SMG6: variants seen among roughly 807,000 people sequenced by gnomAD.
The protein encoded by SMG6 is telomerase-binding protein EST1A.
Under a neutral mutation model 142.2 loss-of-function variants are expected in SMG6, and 66 were observed. The ratio of observed to expected loss-of-function variants is 0.46; its 90% CI spans 0.38 to 0.57. The LOEUF (loss-of-function observed/expected upper bound fraction) is 0.57, where lower values mean the gene tolerates loss of function less well. Among genes scored for constraint, SMG6 ranks in the 20% least tolerant of loss-of-function variants. SMG6 has a pLI of 0.00. For missense variants in SMG6, 1,793 were observed against 1,832.0 expected (o/e 0.98, Z 0.39); for synonymous variants, 779 against 702.4 (o/e 1.11, Z -1.72).
intron 10 of SMG6, chr17:2,233,638 A>T (rs896399685): frequency 6.6e-6 from 1 of 151,844 alleles, no homozygotes; most frequent in Non-Finnish European, 1.5e-5. Context: ...TTCAATCTTT[A>T]CCCTCTCCCC....
Position 2,299,843 on chromosome 17 carries a change from AGGAATC to A in SMG6, c.904_909del (p.Asp302_Ser303del). On this transcript the variant is annotated inframe_deletion, in exon 2 of 19. Transcript: ENST00000263073. The surrounding 1 kb of genome is among the most constrained non-coding windows in gnomAD (Gnocchi z 4.3). ...GGCTCATCAATTCTGTCCTCGTCTA[AGGAATC>A]GGTTGAGGACACAGACACTTGCTTC... 1 of 1,614,122 alleles carries A rather than the reference AGGAATC, an allele frequency of 6.2e-7. No homozygotes were observed. The highest frequency in any genetic ancestry group is 8.5e-7 in the Non-Finnish European group (1 of 1,179,996).
chr17:2,184,657 CAAAAA>C (rs150364302), intron 12 of SMG6, among the ~76,000 whole-genome samples: 1 of 52,792 alleles, frequency 1.9e-5, no homozygotes, highest in Non-Finnish European at 3.5e-5. Context: ...AACTCCGTCT[CAAAAA>C]AAAAAAAAAA....
chr17:2,184,778 C>T (rs934561692), intron 12 of SMG6, among the ~76,000 whole-genome samples: 1 of 149,734 alleles, frequency 6.7e-6, no homozygotes, highest in Non-Finnish European at 1.5e-5. Flanking sequence ...CAGCCTGGCC[C>T]ACGTGGTAAA....
At chr17:2,065,835 G>A (rs2067927387) in intron 16 of SMG6, among the ~76,000 whole-genome samples, 156 bp from the exon 17 acceptor site, 1 of 152,232 alleles carries the variant, frequency 6.6e-6, no homozygotes, top group Admixed American at 6.5e-5. Flanking sequence ...AGGGGAGCTT[G>A]TGGGGGCAAG....
intron 8 of SMG6, among the ~76,000 whole-genome samples, chr17:2,268,079 A>T (rs937554056): frequency 7.9e-5 from 12 of 151,890 alleles, no homozygotes; most frequent in African/African-American, 2.7e-4. Flanking sequence ...AAATATTTTT[A>T]TTATTATTAG....
intron 8 of SMG6, among the ~76,000 whole-genome samples, chr17:2,253,864 C>A (rs1294891825): frequency 6.6e-6 from 1 of 152,194 alleles, no homozygotes; most frequent in Non-Finnish European, 1.5e-5. Context: ...ATAAATGGGA[C>A]TCTCCAGGTT....
chr17:2,172,886 C>G (rs1466999888), intron 12 of SMG6, 27 bp from the exon 13 acceptor site: 1 of 1,608,358 alleles, frequency 6.2e-7, no homozygotes, highest in South Asian at 1.1e-5. Flanking sequence ...AAGAAAAGAG[C>G]AGCTCTAAAG....
At chr17:2,067,760 C>T (rs565722901) in intron 16 of SMG6, among the ~76,000 whole-genome samples, 38 of 152,176 alleles carry the variant, frequency 2.5e-4, no homozygotes, top group Non-Finnish European at 4.6e-4. Flanking sequence ...CACAACCCCC[C>T]AGGGTTCTGC....
At chr17:2,184,728 G>A (rs1279841966) in intron 12 of SMG6, among the ~76,000 whole-genome samples, 1 of 150,550 alleles carries the variant, frequency 6.6e-6, no homozygotes, top group Non-Finnish European at 1.5e-5. Flanking sequence ...ACTTTGGGAG[G>A]CTGAGGCGGG....
intron 12 of SMG6, among the ~76,000 whole-genome samples, chr17:2,182,460 A>C (rs1369405087): frequency 6.6e-6 from 1 of 152,082 alleles, no homozygotes; most frequent in Admixed American, 6.6e-5. Context: ...AGAGGTGGGG[A>C]GGGCATGGGG....
intron 13 of SMG6, among the ~76,000 whole-genome samples, chr17:2,112,065 G>A (rs1430076466): frequency 2.0e-5 from 3 of 152,066 alleles, no homozygotes; most frequent in Non-Finnish European, 4.4e-5. Flanking sequence ...AAGTGCCAAG[G>A]TCTTTAGTTG....
At chr17:2,141,453 T>G (rs531471850) in intron 13 of SMG6, among the ~76,000 whole-genome samples, 1 of 152,320 alleles carries the variant, frequency 6.6e-6, no homozygotes, top group African/African-American at 2.4e-5. Context: ...GGAACTTTTT[T>G]TTCTTAGAGA....
In SMG6 at chr17:2,299,597, C is replaced by T. The variant is rs748825555; in HGVS notation, c.1156G>A (p.Gly386Ser). The T allele has an allele frequency of 9.3e-6, 15 of 1,614,174 alleles. No individual in the cohort carries two copies. Among genetic ancestry groups the T allele is most frequent in the Non-Finnish European group, 1.2e-5 (14 of 1,180,018 alleles). ...GACTCCTGCTTCTCAGAGCCTTTGCCCCCACTGCTCAAGCCTTTGTCAGGC... is the reference window on the plus strand; with the variant it reads ...GACTCCTGCTTCTCAGAGCCTTTGCTCCCACTGCTCAAGCCTTTGTCAGGC... ...GKPDKGLSSG[G>S]KGSEKQESKN... Residue 386 changes from glycine (G) to serine (S), a missense_variant, in exon 2 of 19, where the codon GGC (glycine) becomes AGC (serine). By Grantham distance (56) the Gly-to-Ser change is moderately conservative. Transcript: ENST00000263073. This position sits in a 1 kb window ranked among gnomAD's most constrained non-coding sequence, Gnocchi z 4.3.
chr17:2,108,642 A>ATAC (rs1398965471), intron 13 of SMG6, among the ~76,000 whole-genome samples: 4 of 151,860 alleles, frequency 2.6e-5, no homozygotes. Context: ...GATAATAATA[A>ATAC]TAATAAAAAA....
intron 13 of SMG6, chr17:2,087,344 C>T: frequency 8.3e-7 from 1 of 1,205,106 alleles, no homozygotes; most frequent in Non-Finnish European, 1.1e-6. Flanking sequence ...GGCTGGCTGC[C>T]CAGGAAAGTG....
chr17:2,229,084 C>T (rs1298411580), intron 10 of SMG6, among the ~76,000 whole-genome samples: 1 of 152,114 alleles, frequency 6.6e-6, no homozygotes, highest in Non-Finnish European at 1.5e-5. Flanking sequence ...TCCGCCCACC[C>T]CCTTTTTAAG....
chr17:2,103,008 G>C (rs920090654), intron 13 of SMG6, among the ~76,000 whole-genome samples: 3 of 152,182 alleles, frequency 2.0e-5, no homozygotes, highest in Admixed American at 2.0e-4. Context: ...TTGTGTGTAT[G>C]TCCCACCTTT....
intron 15 of SMG6, among the ~76,000 whole-genome samples, chr17:2,080,451 G>C (rs1415283664): frequency 6.6e-6 from 1 of 152,122 alleles, no homozygotes; most frequent in African/African-American, 2.4e-5. Context: ...ACAAAAAAAA[G>C]ATGGCTCTCG....
At chr17:2,229,621 G>GT (rs905542852) in intron 10 of SMG6, among the ~76,000 whole-genome samples, 10 of 152,166 alleles carry the variant, frequency 6.6e-5, no homozygotes, top group Admixed American at 1.3e-4. Context: ...CACATATGCA[G>GT]TAACTATAAA....
Sources: gnomAD v4.1 joint callset for allele counts (sites outside exome capture counted in the v4.1 genomes callset) on GRCh38, gnomAD v4.1.1 for gene constraint, Gnocchi (gnomAD v3.1) non-coding constraint, MANE v1.5 for transcripts, NCBI Gene and HGNC (gene_info 2026-07-23, HGNC 2026-07-21) for gene names.